COL5A3: variants seen among roughly 807,000 people sequenced by gnomAD.
COL5A3 encodes collagen alpha-3(V) chain.
In COL5A3, 172 loss-of-function variants were observed where a neutral mutation model predicts 250.0. The observed-to-expected ratio is 0.69, with a 90% confidence interval of 0.61 to 0.78. The LOEUF is 0.78. Among genes scored for constraint, COL5A3 ranks in the 30% least tolerant of loss-of-function variants. The pLI is 0.00. For missense variants in COL5A3, 2,340 were observed against 2,334.4 expected (o/e 1.00, Z -0.05); for synonymous variants, 937 against 900.4 (o/e 1.04, Z -0.73).
At chr19:9,985,432 G>A (rs541719579) in intron 31 of COL5A3, among the ~76,000 whole-genome samples, 40 of 149,518 alleles carry the variant, frequency 2.7e-4, no homozygotes, top group African/African-American at 9.3e-4. Flanking sequence ...AGCTAATTTT[G>A]TATTTTTAGT....
In COL5A3 at chr19:9,994,340, G is replaced by C. The variant is rs202188683; in HGVS notation, c.1588-534C>G. 9.9e-5 allele frequency among the ~76,000 whole-genome samples: 15 copies of C among 151,114 alleles called. No homozygotes were observed. The East Asian group carries it at 2.9e-3, about 29-fold the overall frequency. ...ACTACAAGTGCACACCACCACACCT[G>C]GCTAATTTTTTATTTGTATTTTGTG... is the stretch of plus-strand genomic sequence containing the variant. On this transcript the variant is annotated intron_variant, in intron 16 of 66. Transcript: ENST00000264828.
Position 9,961,139 on chromosome 19 carries a change from C to T in COL5A3, c.4852-249G>A, listed in dbSNP as rs184748650. Among the ~76,000 whole-genome samples, 13 of 152,222 alleles carry T rather than the reference C, an allele frequency of 8.5e-5. No individual in the cohort carries two copies. In the East Asian group the frequency reaches 1.7e-3, roughly 20 times the overall value. ...CATCTGACCTCCCAAATTCTGATTG[C>T]TTCATCCACCAATCCAGGGTTTTAA... On this transcript the variant is annotated intron_variant, in intron 65 of 66. Transcript: ENST00000264828.
chr19:9,987,440 G>A (rs66985586), intron 27 of COL5A3, among the ~76,000 whole-genome samples: 12,114 of 152,084 alleles, frequency 0.08, 609 homozygotes, highest in African/African-American at 0.14. Context: ...ATAGGGGTCA[G>A]TTAATGTTTC....
chr19:10,004,925 C>G (rs530786275), intron 4 of COL5A3, among the ~76,000 whole-genome samples: 1 of 152,298 alleles, frequency 6.6e-6, no homozygotes, highest in Admixed American at 6.5e-5. Flanking sequence ...GATCTTTCCA[C>G]AACAAGCCAA....
chr19:9,986,526 C>T, intron 29 of COL5A3, 27 bp downstream of exon 29: 1 of 1,613,258 alleles, frequency 6.2e-7, no homozygotes, highest in Non-Finnish European at 8.5e-7. Context: ...CAGACCCACA[C>T]CACCCCTCAT....
In COL5A3 at chr19:10,010,448, C is replaced by T. The variant is rs2087514379; in HGVS notation, c.-63G>A. The T allele has an allele frequency of 2.6e-6, 3 of 1,139,548 alleles. No homozygotes were observed. Among genetic ancestry groups the T allele is most frequent in the Non-Finnish European group, 3.5e-6 (3 of 867,158 alleles). The allele number at this position is 1,139,548 out of a possible 1,614,324, so 70.6% of individuals were successfully genotyped here. ...GGGCGGCTGCGGGGCGCGGCGACTT[C>T]TCGGGCTCGGTGCAGTCACTCGCGG... On this transcript the variant is annotated 5_prime_UTR_variant, in exon 1 of 67. Coordinates refer to ENST00000264828, the MANE Select transcript of COL5A3 (RefSeq NM_015719.4).
chr19:9,988,579 C>T (rs776323718), intron 27 of COL5A3, among the ~76,000 whole-genome samples: 2 of 151,970 alleles, frequency 1.3e-5, no homozygotes, highest in Non-Finnish European at 2.9e-5. Context: ...GCCTGTAATC[C>T]CAGCACTTTG....
Position 10,005,861 on chromosome 19 carries a change from T to C in COL5A3, c.372A>G (p.Pro124=), listed in dbSNP as rs1051398338. 2 of 1,613,820 alleles carry C rather than the reference T, an allele frequency of 1.2e-6. No homozygotes were observed. Among genetic ancestry groups the C allele is most frequent in the Non-Finnish European group, 1.7e-6 (2 of 1,179,986 alleles). ...GARQLGLALG[P]ALGLLGDPFR... ...AGGGGTCACCTAGGAGACCCAGCGC[T>C]GGCCCCAGTGCCAGGCCCAACTGCC... Residue 124 remains proline (P), a synonymous_variant, in exon 3 of 67, where the codon CCA becomes CCG. Coordinates refer to ENST00000264828, the MANE Select transcript of COL5A3 (RefSeq NM_015719.4).
chr19:10,006,735 C>T (rs995585511), intron 1 of COL5A3, among the ~76,000 whole-genome samples: 1 of 152,026 alleles, frequency 6.6e-6, no homozygotes, highest in African/African-American at 2.4e-5. Context: ...TGACTACAGC[C>T]ATTTTGGATC....
intron 27 of COL5A3, among the ~76,000 whole-genome samples, chr19:9,988,799 A>C (rs909137619): frequency 1.4e-5 from 2 of 137,948 alleles, no homozygotes; most frequent in African/African-American, 2.8e-5. Context: ...GCTCCACTGC[A>C]CTCCAGCCTG....
chr19:9,979,522 G>T, intron 37 of COL5A3, 105 bp from the exon 38 acceptor site: 1 of 1,233,706 alleles, frequency 8.1e-7, no homozygotes, highest in Non-Finnish European at 1.2e-6. Flanking sequence ...CGGTCCGGTG[G>T]CTCACGCCTG....
At chr19:9,994,009 C>G (rs2087235392) in intron 16 of COL5A3, among the ~76,000 whole-genome samples, 1 of 151,948 alleles carries the variant, frequency 6.6e-6, no homozygotes, top group Admixed American at 6.6e-5. Flanking sequence ...GTGCATGCCA[C>G]CAGGCCTGGC....
intron 6 of COL5A3, among the ~76,000 whole-genome samples, chr19:10,002,745 C>T (rs2087382736): frequency 6.6e-6 from 1 of 152,108 alleles, no homozygotes; most frequent in Non-Finnish European, 1.5e-5. Context: ...ATGAGCGCAA[C>T]AAAAGCGTCC....
At chr19:10,006,047 T>C in intron 2 of COL5A3, 26 bp downstream of exon 2, 3 of 1,611,546 alleles carry the variant, frequency 1.9e-6, no homozygotes, top group Non-Finnish European at 2.5e-6. Flanking sequence ...TCCGGGGAGG[T>C]ACCCAGGCCT....
chr19:10,006,987 C>A (rs752785653), intron 1 of COL5A3, among the ~76,000 whole-genome samples: 3 of 151,618 alleles, frequency 2.0e-5, no homozygotes, highest in Non-Finnish European at 4.4e-5. Flanking sequence ...TGCCCTCTGA[C>A]CTCCTCCCTC....
At position 9,970,669 on chromosome 19, in the gene COL5A3, G is replaced by A; in HGVS notation, c.3889C>T (p.Pro1297Ser). 2.1e-6 allele frequency: 3 copies of A among 1,444,518 alleles called. No individual in the cohort carries two copies. Among genetic ancestry groups the A allele is most frequent in the Non-Finnish European group, 2.7e-6 (3 of 1,099,342 alleles). 89.5% of individuals were successfully genotyped at this position (1,444,518 alleles called of 1,614,324 possible). A position where few individuals can be genotyped will look rare whatever the true frequency, so the allele number is the denominator to read the frequency against. Residue 1297 changes from proline (P) to serine (S), a missense_variant, in exon 54 of 67, where the codon CCT becomes TCT. Pro to Ser is a moderately conservative substitution (Grantham distance 74). Coordinates refer to ENST00000264828, the MANE Select transcript of COL5A3 (RefSeq NM_015719.4). ...GCGCCGGGCTCCCCAGAAGCTCCAGGCGGACCCTGGAGGAGACAAGGACAC... is the reference window on the plus strand; with the variant it reads ...GCGCCGGGCTCCCCAGAAGCTCCAGACGGACCCTGGAGGAGACAAGGACAC... ...DPGDVGGPGP[P>S]GASGEPGAPG... is the part of the protein sequence containing the mutation.
chr19:10,006,136 C>T lies in COL5A3; in HGVS notation c.184G>A (p.Asp62Asn). ...GCCTGGCCAATTCTGAATGCCCGGTCACCCTCTGGAGTCCTCTGGGGACAG... is the reference window on the plus strand; with the variant it reads ...GCCTGGCCAATTCTGAATGCCCGGTTACCCTCTGGAGTCCTCTGGGGACAG... ...GFCPQRTPEG[D>N]RAFRIGQAST... Residue 62 changes from aspartate to asparagine, a missense_variant, in exon 2 of 67, where the codon GAC (aspartate) becomes AAC (asparagine). Asp to Asn is a conservative substitution (Grantham distance 23). Around this residue, in one of 3 missense-constraint regions of COL5A3, gnomAD observed 1,152 missense variants for 1,146.3 expected, o/e 1.00. Coordinates refer to ENST00000264828, the MANE Select transcript of COL5A3 (RefSeq NM_015719.4). 6.2e-7 allele frequency: 1 copy of T among 1,613,266 alleles called. No homozygotes were observed. Among genetic ancestry groups the T allele is most frequent in the East Asian group, 2.2e-5 (1 of 44,850 alleles).
rs372091609 is a variant in COL5A3 at position 9,977,947 on chromosome 19, C to CATATATATATATAT, written c.3019-260_3019-247dup. Among the ~76,000 whole-genome samples the CATATATATATATAT allele has an allele frequency of 5.2e-3, 555 of 105,860 alleles. 16 individuals carry two copies. The highest frequency in any genetic ancestry group is 7.8e-3 in the Non-Finnish European group (390 of 49,806). 69.4% of individuals were successfully genotyped at this position (105,860 alleles called of 152,430 possible). ...GCCATAGTCCTCCTGGCAGCCTATA[C>CATATATATATATAT]ATATATATATATATATATATATATA... On this transcript the variant is annotated intron_variant, in intron 41 of 66. Transcript: ENST00000264828.
chr19:9,988,656 C>A (rs1218456762), intron 27 of COL5A3, among the ~76,000 whole-genome samples: 1 of 151,364 alleles, frequency 6.6e-6, no homozygotes, highest in Admixed American at 6.6e-5. Context: ...CATGGTGAAA[C>A]CCTGTCTCTA....
Sources: gnomAD v4.1 joint callset for allele counts (sites outside exome capture counted in the v4.1 genomes callset) on GRCh38, gnomAD v4.1.1 for gene constraint, gnomAD v4.1.1 regional missense constraint, MANE v1.5 for transcripts, NCBI Gene and HGNC (gene_info 2026-07-23, HGNC 2026-07-21) for gene names.